The following TRIM14 variants were observed in gnomAD, a reference collection of about 807,000 sequenced individuals.
The protein encoded by TRIM14 is tripartite motif-containing protein 14.
Under a neutral mutation model 44.5 loss-of-function variants are expected in TRIM14, and 28 were observed. That is an observed-to-expected ratio of 0.63 (90% confidence interval 0.47 to 0.86). The LOEUF is 0.86. Ranked by LOEUF, TRIM14 falls within the 40% of genes least tolerant of loss-of-function variation. The pLI, the probability that TRIM14 is intolerant of heterozygous loss-of-function variation, is 0.00. For synonymous variants in TRIM14, 299 were observed against 269.2 expected (o/e 1.11, Z -1.08); for missense variants, 607 against 611.1 (o/e 0.99, Z 0.07).
intron 6 of TRIM14, among the ~76,000 whole-genome samples, chr9:98,070,484 G>A (rs752900050): frequency 7.2e-5 from 11 of 151,918 alleles, no homozygotes; most frequent in South Asian, 4.2e-4. Context: ...GCAATGGCGT[G>A]ATCTTGGCTC....
chr9:98,060,645 TG>T, the TRIM14 span: 24 of 840,868 alleles, frequency 2.9e-5, no homozygotes, highest in Non-Finnish European at 4.3e-5. Flanking sequence ...CACTCCAGCC[TG>T]GGTGAAAGAG....
downstream of TRIM14, chr9:98,083,180 T>C (rs1012719018): frequency 9.4e-6 from 8 of 851,662 alleles, no homozygotes; most frequent in African/African-American, 1.4e-4. Flanking sequence ...ACCTGCTCCT[T>C]AGACAGCAGA....
chr9:98,073,445 G>A (rs1475906407), intron 6 of TRIM14, among the ~76,000 whole-genome samples: 1 of 151,322 alleles, frequency 6.6e-6, no homozygotes, highest in Non-Finnish European at 1.5e-5. Flanking sequence ...CCAACACGCC[G>A]GGCTAATTTT....
chr9:98,072,406 A>G (rs1041847801), intron 6 of TRIM14, among the ~76,000 whole-genome samples: 1 of 150,752 alleles, frequency 6.6e-6, no homozygotes, highest in African/African-American at 2.4e-5. Flanking sequence ...GCAGTGAGGG[A>G]AAGTGCATTT....
At chr9:98,036,070 G>T in the TRIM14 span, among the ~76,000 whole-genome samples, 1 of 151,046 alleles carries the variant, frequency 6.6e-6, no homozygotes, top group East Asian at 2.0e-4. Flanking sequence ...TTAGCCAGGC[G>T]TGGTGGCATG....
the TRIM14 span, among the ~76,000 whole-genome samples, chr9:98,036,662 G>A: frequency 2.0e-5 from 3 of 152,130 alleles, no homozygotes; most frequent in Non-Finnish European, 2.9e-5. Context: ...TTAGCCAGGG[G>A]GATTGGGGGC....
chr9:98,082,702 T>G, downstream of TRIM14: 2 of 661,508 alleles, frequency 3.0e-6, no homozygotes, highest in Non-Finnish European at 5.2e-6. Flanking sequence ...GTATGAGATA[T>G]TCTGAGCAGT....
At chr9:98,108,662 A>T (rs1826716787) in intron 2 of TRIM14, among the ~76,000 whole-genome samples, 2 of 151,806 alleles carry the variant, frequency 1.3e-5, no homozygotes, top group Non-Finnish European at 2.9e-5. Context: ...TCTGCTTGTG[A>T]AGACATGAGA....
chr9:98,054,472 T>C, the TRIM14 span, among the ~76,000 whole-genome samples: 1 of 151,148 alleles, frequency 6.6e-6, no homozygotes, highest in Admixed American at 6.6e-5. Context: ...AGGAAAGGGG[T>C]GTTGGCAGCA....
chr9:98,081,018 T>C, downstream of TRIM14: 1 of 1,614,196 alleles, frequency 6.2e-7, no homozygotes, highest in South Asian at 1.1e-5. Flanking sequence ...GTGCGTCTTG[T>C]GGAGCGTGCC....
In TRIM14 at chr9:98,085,588, C is replaced by T. The variant is rs1221646357; in HGVS notation, c.*1882G>A. On this transcript the variant is annotated 3_prime_UTR_variant, in exon 6 of 6. Coordinates refer to ENST00000341469, the MANE Select transcript of TRIM14 (RefSeq NM_014788.4). ...GTATTCATCTTCCCTCTGTCAGGAA[C>T]ACCCTCTGCCTGTCACAATTCAGTT... 1.3e-5 allele frequency: 2 copies of T among 152,158 alleles called. No homozygotes were observed. The highest frequency in any genetic ancestry group is 2.9e-5 in the Non-Finnish European group (2 of 68,044). 9.4% of individuals were successfully genotyped at this position (152,158 alleles called of 1,614,324 possible). A position where few individuals can be genotyped will look rare whatever the true frequency, so the allele number is the denominator to read the frequency against.
At chr9:98,090,783 C>T (rs1022586033) in intron 5 of TRIM14, among the ~76,000 whole-genome samples, 58 of 152,212 alleles carry the variant, frequency 3.8e-4, no homozygotes, top group African/African-American at 1.3e-3. Context: ...AGGCTGGTCT[C>T]GAACTGCTGA....
chr9:98,048,653 G>T, the TRIM14 span, among the ~76,000 whole-genome samples: 1 of 152,170 alleles, frequency 6.6e-6, no homozygotes, highest in African/African-American at 2.4e-5. Flanking sequence ...TCTAATTTAG[G>T]CAGGTCAGAT....
At chr9:98,048,603 A>T in the TRIM14 span, among the ~76,000 whole-genome samples, 12 of 152,250 alleles carry the variant, frequency 7.9e-5, no homozygotes, top group Non-Finnish European at 1.6e-4. Flanking sequence ...TGGGAAATAA[A>T]AACAATTTTG....
At chr9:98,049,338 CATAAAAAA>C in the TRIM14 span, among the ~76,000 whole-genome samples, 38 of 38,584 alleles carry the variant, frequency 9.8e-4, 1 homozygote, top group African/African-American at 5.5e-3. Context: ...TGAGACTCTG[CATAAAAAA>C]AAAAAAAAAA....
chr9:98,113,329 T>G (rs1250022955), intron 1 of TRIM14, among the ~76,000 whole-genome samples: 1 of 152,066 alleles, frequency 6.6e-6, no homozygotes, highest in East Asian at 1.9e-4. Flanking sequence ...TGAAATTGGA[T>G]GATAGATAAT....
At chr9:98,054,715 G>C in the TRIM14 span, among the ~76,000 whole-genome samples, 1 of 152,198 alleles carries the variant, frequency 6.6e-6, no homozygotes, top group Non-Finnish European at 1.5e-5. Flanking sequence ...TGCCGATAGA[G>C]ATGACGCCAG....
intron 3 of TRIM14, among the ~76,000 whole-genome samples, chr9:98,096,327 C>T (rs62575600): frequency 0.035 from 5,263 of 152,216 alleles, 133 homozygotes; most frequent in Non-Finnish European, 0.05. Context: ...ACCCAGAGCG[C>T]TGGAATGGAG....
chr9:98,103,620 C>T (rs1043777527), intron 2 of TRIM14, among the ~76,000 whole-genome samples: 3 of 151,986 alleles, frequency 2.0e-5, no homozygotes, highest in Admixed American at 1.3e-4. Flanking sequence ...GAATGGATCA[C>T]GAGGTCAGGA....
Sources: allele counts gnomAD v4.1 joint callset (sites outside exome capture counted in the v4.1 genomes callset), GRCh38; gene constraint gnomAD v4.1.1; transcripts MANE v1.5; gene names NCBI Gene and HGNC (gene_info 2026-07-23, HGNC 2026-07-21).